SIM1: variants seen among roughly 807,000 people sequenced by gnomAD.
The protein encoded by SIM1 is SIM bHLH transcription factor 1.
SIM1 carries 18 observed loss-of-function variants against 78.2 expected under a neutral mutation model. That is an observed-to-expected ratio of 0.23 (90% CI 0.16 to 0.34). The LOEUF is 0.34. SIM1 is among the 10% of genes least tolerant of loss of function. The pLI is 1.00. For synonymous variants in SIM1, 417 were observed against 385.2 expected (o/e 1.08, Z -0.97); for missense variants, 939 against 975.1 (o/e 0.96, Z 0.49).
intron 5 of SIM1, 64 bp from the exon 6 acceptor site, chr6:100,449,512 T>C: frequency 6.3e-7 from 1 of 1,576,372 alleles, no homozygotes. Context: ...ACAGCACGCG[T>C]CTCTGCCACG....
intron 2 of SIM1, among the ~76,000 whole-genome samples, chr6:100,457,812 G>A (rs1325258442): frequency 6.6e-6 from 1 of 152,118 alleles, no homozygotes; most frequent in Non-Finnish European, 1.5e-5. Flanking sequence ...GGGCATCGGC[G>A]AGCGCGCCGG....
At chr6:100,425,374 G>A (rs1771699974) in intron 9 of SIM1, among the ~76,000 whole-genome samples, 1 of 152,044 alleles carries the variant, frequency 6.6e-6, no homozygotes. Flanking sequence ...TTGCAGTATG[G>A]CCAGAATACT....
chr6:100,436,701 G>A (rs574495967), intron 9 of SIM1, among the ~76,000 whole-genome samples: 2 of 150,682 alleles, frequency 1.3e-5, no homozygotes, highest in South Asian at 2.1e-4. Context: ...TTTTGTTGTT[G>A]TCGTTGTTTT....
chr6:100,447,078 T>C (rs575736315), intron 9 of SIM1, among the ~76,000 whole-genome samples, 190 bp downstream of exon 9: 21 of 152,352 alleles, frequency 1.4e-4, no homozygotes. Context: ...CTCTAGAATA[T>C]AACGAAGAAA....
rs41318039 is a variant in SIM1, at chr6:100,390,248, T to C, written c.*113A>G. ...ATAGGAACACGTATCAAATACCCAGTAACTTAAGTTATACTCTCTAACAAT... is the reference window on the plus strand; with the variant it reads ...ATAGGAACACGTATCAAATACCCAGCAACTTAAGTTATACTCTCTAACAAT... On this transcript the variant is annotated 3_prime_UTR_variant, in exon 12 of 12. Transcript: ENST00000369208. The C allele has an allele frequency of 1.5e-5, 18 of 1,174,674 alleles. No homozygotes were observed. In the South Asian group the frequency reaches 2.7e-4, roughly 18 times the overall value. The allele number at this position is 1,174,674 out of a possible 1,614,324, so 72.8% of individuals were successfully genotyped here.
At chr6:100,455,487 C>A (rs1162583160) in intron 2 of SIM1, among the ~76,000 whole-genome samples, 1 of 152,244 alleles carries the variant, frequency 6.6e-6, no homozygotes, top group Non-Finnish European at 1.5e-5. Context: ...TATTCTCCTT[C>A]GTTTCTGTCA....
intron 9 of SIM1, among the ~76,000 whole-genome samples, chr6:100,431,188 A>T (rs189246858): frequency 6.6e-6 from 1 of 152,200 alleles, no homozygotes; most frequent in African/African-American, 2.4e-5. Flanking sequence ...ACAAATCTTC[A>T]TTTGTTTAAC....
chr6:100,426,473 C>T (rs1272910563), intron 9 of SIM1, among the ~76,000 whole-genome samples: 2 of 152,124 alleles, frequency 1.3e-5, no homozygotes, highest in African/African-American at 4.8e-5. Context: ...GCCAACATGC[C>T]GCATGGGAAG....
intron 10 of SIM1, among the ~76,000 whole-genome samples, chr6:100,407,030 A>AT (rs1771069317): frequency 6.6e-6 from 1 of 152,042 alleles, no homozygotes; most frequent in South Asian, 2.1e-4. Context: ...TATGAGTTTG[A>AT]TTTTTTTAGA....
intron 9 of SIM1, among the ~76,000 whole-genome samples, chr6:100,433,003 T>C (rs1771940867): frequency 6.6e-6 from 1 of 152,144 alleles, no homozygotes; most frequent in Non-Finnish European, 1.5e-5. Context: ...ATATCCAATC[T>C]ATCTGCAAAT....
chr6:100,446,430 G>C (rs747283731), intron 9 of SIM1, among the ~76,000 whole-genome samples: 3 of 152,148 alleles, frequency 2.0e-5, no homozygotes, highest in African/African-American at 4.8e-5. Flanking sequence ...TGGGGAGAGC[G>C]CAACAGCACA....
Position 100,390,885 on chromosome 6 carries a change from C to T in SIM1, c.1777G>A (p.Ala593Thr). Residue 593 changes from alanine (A) to threonine (T), a missense_variant, in exon 12 of 12, where the codon GCT becomes ACT. Physicochemically the swap from Ala to Thr is moderately conservative, Grantham distance 58. This residue lies in a region of SIM1 where 556 missense variants were observed against 521.9 expected (regional missense o/e 1.07). Coordinates refer to ENST00000369208, the MANE Select transcript of SIM1 (RefSeq NM_005068.3). ...TTTTTCCCAGCCCCATTAATGGAAG[C>T]CAGTTGGTCTGAGGGGGCTTTCCTT... The part of the protein sequence containing the change: ...QLRKAPSDQL[A>T]SINGAGKKHS... 2 of 1,614,098 alleles carry T rather than the reference C, an allele frequency of 1.2e-6. No individual in the cohort carries two copies. The highest frequency in any genetic ancestry group is 1.7e-6 in the Non-Finnish European group (2 of 1,180,012).
At chr6:100,445,763 T>C (rs896651659) in intron 9 of SIM1, among the ~76,000 whole-genome samples, 4 of 152,154 alleles carry the variant, frequency 2.6e-5, no homozygotes, top group African/African-American at 7.2e-5. Context: ...GTCTCAGACA[T>C]ACAAAGCACC....
intron 10 of SIM1, among the ~76,000 whole-genome samples, chr6:100,410,372 C>G (rs1271932899): frequency 1.3e-5 from 2 of 152,184 alleles, no homozygotes; most frequent in Non-Finnish European, 2.9e-5. Flanking sequence ...AGAGGCTTCC[C>G]ATTTGATTTA....
chr6:100,403,814 G>A (rs553260966), intron 10 of SIM1, among the ~76,000 whole-genome samples: 41 of 152,226 alleles, frequency 2.7e-4, no homozygotes, highest in African/African-American at 7.7e-4. Flanking sequence ...TGCAGATTCC[G>A]TACACACTGT....
chr6:100,450,696 T>TCTCACACACA (rs1421452803), intron 3 of SIM1, among the ~76,000 whole-genome samples: 151 of 91,928 alleles, frequency 1.6e-3, no homozygotes, highest in Non-Finnish European at 2.7e-3. Flanking sequence ...TCTCTCTCTC[T>TCTCACACACA]CACACACACA....
rs535815316 is a variant in SIM1, at chr6:100,391,411, A to G, written c.1571-320T>C. Among the ~76,000 whole-genome samples the G allele has an allele frequency of 3.3e-5, 5 of 152,298 alleles. 1 individual carries two copies. The highest frequency in any genetic ancestry group is 3.3e-4 in the Admixed American group (5 of 15,300). Reference sequence around the variant, plus strand: ...TGTGTTTATACTTCTCCATGGATATATGTTATTAGACCTGTCTGACTGGAA... The same window carrying G: ...TGTGTTTATACTTCTCCATGGATATGTGTTATTAGACCTGTCTGACTGGAA... On this transcript the variant is annotated intron_variant, in intron 11 of 11. Coordinates refer to ENST00000369208, the MANE Select transcript of SIM1 (RefSeq NM_005068.3).
chr6:100,396,059 A>C, intron 10 of SIM1: 1 of 982,272 alleles, frequency 1.0e-6, no homozygotes, highest in Non-Finnish European at 1.2e-6. Context: ...CGGTACCTAC[A>C]TCATGCCTTC....
rs962535617 is a variant in SIM1, at chr6:100,386,842, A to G, written c.*3519T>C. ...CCTCAGCACTGTCATATTATCTTTTATCAGGCAATTACAGTTTAGGTAAGC... is the reference window on the plus strand; with the variant it reads ...CCTCAGCACTGTCATATTATCTTTTGTCAGGCAATTACAGTTTAGGTAAGC... On this transcript the variant is annotated 3_prime_UTR_variant, in exon 12 of 12. Transcript: ENST00000369208. 7.2e-5 allele frequency: 11 copies of G among 152,090 alleles called. No homozygotes were observed. The highest frequency in any genetic ancestry group is 2.7e-4 in the African/African-American group (11 of 41,434). The allele number at this position is 152,090 out of a possible 1,614,324, so 9.4% of individuals were successfully genotyped here. A position where few individuals can be genotyped will look rare whatever the true frequency, so the allele number is the denominator to read the frequency against.
Sources: gnomAD v4.1 joint callset for allele counts (sites outside exome capture counted in the v4.1 genomes callset) on GRCh38, gnomAD v4.1.1 for gene constraint, gnomAD v4.1.1 regional missense constraint, MANE v1.5 for transcripts, NCBI Gene and HGNC (gene_info 2026-07-23, HGNC 2026-07-21) for gene names.